KLF12: variants seen among roughly 807,000 people sequenced by gnomAD.
KLF12 encodes the protein KLF transcription factor 12, also known as Krueppel-like factor 12.
In KLF12, 9 loss-of-function variants were observed where a neutral mutation model predicts 37.8. That is an observed-to-expected ratio of 0.24 (90% CI 0.14 to 0.42). The LOEUF (loss-of-function observed/expected upper bound fraction) is 0.42, where lower values mean the gene tolerates loss of function less well. Ranked by LOEUF, KLF12 falls within the 10% of genes least tolerant of loss-of-function variation. The pLI, the probability that KLF12 is intolerant of heterozygous loss-of-function variation, is 1.00. For synonymous variants in KLF12, 208 were observed against 202.1 expected (o/e 1.03, Z -0.25); for missense variants, 411 against 516.0 (o/e 0.80, Z 1.97).
chr13:74,150,710 G>A, the KLF12 span, among the ~76,000 whole-genome samples: 1 of 152,134 alleles, frequency 6.6e-6, no homozygotes, highest in South Asian at 2.1e-4. Flanking sequence ...AGTAAAATAA[G>A]GGTGACTTGA....
chr13:74,026,438 A>T (rs1892978062), intron 1 of KLF12, among the ~76,000 whole-genome samples: 1 of 152,174 alleles, frequency 6.6e-6, no homozygotes, highest in Non-Finnish European at 1.5e-5. Flanking sequence ...CTAAAATTTT[A>T]AGTTGTATTT....
chr13:73,865,164 A>G (rs1886109741), intron 3 of KLF12, among the ~76,000 whole-genome samples: 1 of 152,200 alleles, frequency 6.6e-6, no homozygotes, highest in African/African-American at 2.4e-5. Flanking sequence ...AAGAAATAAC[A>G]TGAGTAGCTC....
intron 3 of KLF12, among the ~76,000 whole-genome samples, chr13:73,905,789 G>A (rs1888255352): frequency 6.7e-6 from 1 of 149,362 alleles, no homozygotes; most frequent in Non-Finnish European, 1.5e-5. Context: ...AAATGTTCAT[G>A]AGGATGGCTT....
At position 73,862,141 on chromosome 13, in the gene KLF12, C is replaced by T. The variant is rs575606933; in HGVS notation, c.124-15768G>A. ...TAAATGCAGTTGTGATCTCTAAATTCACTAAGCATCTGTCTTTCCAGTAAG... is the reference window on the plus strand; with the variant it reads ...TAAATGCAGTTGTGATCTCTAAATTTACTAAGCATCTGTCTTTCCAGTAAG... On this transcript the variant is annotated intron_variant, in intron 3 of 7. Coordinates refer to ENST00000377669, the MANE Select transcript of KLF12 (RefSeq NM_007249.5). 4.0e-5 allele frequency among the ~76,000 whole-genome samples: 6 copies of T among 150,296 alleles called. 1 individual carries two copies. In the South Asian group the frequency reaches 1.3e-3, roughly 31 times the overall value.
At chr13:74,213,124 T>C in the KLF12 span, among the ~76,000 whole-genome samples, 27 of 152,218 alleles carry the variant, frequency 1.8e-4, no homozygotes, top group South Asian at 1.9e-3. Context: ...AGAGATGATC[T>C]GTGTTAAATT....
chr13:73,833,652 G>T (rs958353037), intron 4 of KLF12, among the ~76,000 whole-genome samples: 10 of 152,094 alleles, frequency 6.6e-5, no homozygotes, highest in African/African-American at 2.4e-4. Flanking sequence ...CAGAAAAGAA[G>T]GCATTTGAGC....
chr13:74,290,677 G>A, the KLF12 span, among the ~76,000 whole-genome samples: 1 of 151,996 alleles, frequency 6.6e-6, no homozygotes. Context: ...GTCATTCTGA[G>A]TACTTCTGGA....
the KLF12 span, among the ~76,000 whole-genome samples, chr13:74,146,793 G>A: frequency 3.5e-4 from 53 of 152,196 alleles, no homozygotes; most frequent in South Asian, 8.5e-3. Flanking sequence ...AGGTGAAATC[G>A]TTTCCATTTT....
chr13:73,887,530 T>C (rs79812103), intron 3 of KLF12, among the ~76,000 whole-genome samples: 2,810 of 152,278 alleles, frequency 0.018, 91 homozygotes, highest in African/African-American at 0.063. Flanking sequence ...CCACCATTAC[T>C]GTAAGGTTCC....
At chr13:74,115,481 G>C (rs1162594579) in intron 1 of KLF12, among the ~76,000 whole-genome samples, 1 of 152,232 alleles carries the variant, frequency 6.6e-6, no homozygotes, top group African/African-American at 2.4e-5. Context: ...GAAGCAGGTG[G>C]ATCACCTGAA....
At chr13:74,282,447 G>A in the KLF12 span, among the ~76,000 whole-genome samples, 1 of 152,274 alleles carries the variant, frequency 6.6e-6, no homozygotes, top group Admixed American at 6.5e-5. Context: ...ACTATTTTCA[G>A]TGTTTTCTGT....
chr13:73,730,917 C>T lies in KLF12; in HGVS notation c.870-15392G>A, dbSNP rs766537015. On this transcript the variant is annotated intron_variant, in intron 6 of 7. Coordinates refer to ENST00000377669, the MANE Select transcript of KLF12 (RefSeq NM_007249.5). ...GTTCAATGTGTAGGTCCTGGAAGTG[C>T]CATGATTTTGTTTTGTTCTGTTTCG... Among the ~76,000 whole-genome samples the T allele has an allele frequency of 2.1e-4, 32 of 151,546 alleles. 1 individual carries two copies. Among genetic ancestry groups the T allele is most frequent in the Admixed American group, 4.6e-4 (7 of 15,224 alleles).
At chr13:74,287,871 A>G in the KLF12 span, among the ~76,000 whole-genome samples, 1 of 152,150 alleles carries the variant, frequency 6.6e-6, no homozygotes, top group African/African-American at 2.4e-5. Context: ...CTTTGTTTGC[A>G]TTTATTCACT....
rs371400583 is a variant in KLF12, at chr13:73,813,181, C to A, written c.777G>T (p.Thr259=). 1 of 1,613,922 alleles carries A rather than the reference C, an allele frequency of 6.2e-7. No individual in the cohort carries two copies. The highest frequency in any genetic ancestry group is 8.5e-7 in the Non-Finnish European group (1 of 1,179,928). The change falls in exon 5 of 8, where the codon ACG becomes ACT. Residue 259 remains threonine, a synonymous_variant. Coordinates refer to ENST00000377669, the MANE Select transcript of KLF12 (RefSeq NM_007249.5). ...GTACTGCTCTGGCTATGGAAAGGGCCGTAGATCCAGTTTCATTAACGCTAT... is the reference window on the plus strand; with the variant it reads ...GTACTGCTCTGGCTATGGAAAGGGCAGTAGATCCAGTTTCATTAACGCTAT...
rs569210016 is a variant in KLF12 at position 74,009,637 on chromosome 13, C to T, written c.-31-14584G>A. 2.6e-5 allele frequency among the ~76,000 whole-genome samples: 4 copies of T among 152,336 alleles called. No individual in the cohort carries two copies. In the South Asian group the frequency reaches 6.2e-4, roughly 24 times the overall value. ...GGTAATTTTTGAAGAACTCCAGAAA[C>T]AGCATACTTCTAAACGGCTTGATTT... On this transcript the variant is annotated intron_variant, in intron 1 of 7. Coordinates refer to ENST00000377669, the MANE Select transcript of KLF12 (RefSeq NM_007249.5).
At chr13:74,164,444 T>C in the KLF12 span, among the ~76,000 whole-genome samples, 23 of 152,318 alleles carry the variant, frequency 1.5e-4, no homozygotes, top group African/African-American at 4.8e-4. Flanking sequence ...TGTTAACACA[T>C]GAAAGTAGGT....
intron 5 of KLF12, among the ~76,000 whole-genome samples, chr13:73,808,728 A>G (rs996826396): frequency 2.6e-5 from 4 of 152,234 alleles, no homozygotes; most frequent in Non-Finnish European, 5.9e-5. Flanking sequence ...TAATGTCAAC[A>G]AAGTAAGGCA....
intron 3 of KLF12, among the ~76,000 whole-genome samples, chr13:73,918,083 CACACACACACCATAT>C (rs986636029): frequency 6.6e-6 from 1 of 152,006 alleles, no homozygotes; most frequent in African/African-American, 2.4e-5. Context: ...AACATCTACA[CACACACACACCATAT>C]ACACACACAC....
intron 1 of KLF12, among the ~76,000 whole-genome samples, chr13:74,008,314 T>G (rs1351642013): frequency 1.3e-5 from 2 of 152,120 alleles, no homozygotes; most frequent in African/African-American, 2.4e-5. Flanking sequence ...GACCAATCAA[T>G]TAATAAGAGA....
Sources: allele counts gnomAD v4.1 joint callset (sites outside exome capture counted in the v4.1 genomes callset), GRCh38; gene constraint gnomAD v4.1.1; transcripts MANE v1.5; gene names NCBI Gene and HGNC (gene_info 2026-07-23, HGNC 2026-07-21).